Variants in GMDS observed in about 807,000 individuals in gnomAD.
GMDS encodes GDP-mannose 4,6-dehydratase, also known as GDP-mannose 4,6 dehydratase.
In GMDS, 20 loss-of-function variants were observed where a neutral mutation model predicts 49.9. The observed-to-expected ratio is 0.40, with a 90% CI of 0.28 to 0.58. GMDS has a LOEUF of 0.58. Among genes scored for constraint, GMDS ranks in the 20% least tolerant of loss-of-function variants. The probability of loss-of-function intolerance (pLI) is 0.42; values close to 1 mark genes in which losing one functional copy is unlikely to be tolerated. For missense variants in GMDS, 362 were observed against 481.4 expected (o/e 0.75, Z 2.32); for synonymous variants, 177 against 178.6 (o/e 0.99, Z 0.07).
intron 4 of GMDS, among the ~76,000 whole-genome samples, chr6:1,999,324 A>C (rs78914326): frequency 6.4e-5 from 6 of 93,730 alleles, no homozygotes; most frequent in African/African-American, 2.1e-4. Context: ...CTGTCTCAAA[A>C]AAAAAAAAAA....
At chr6:2,214,421 A>T (rs1780221897) in intron 1 of GMDS, among the ~76,000 whole-genome samples, 2 of 152,190 alleles carry the variant, frequency 1.3e-5, no homozygotes, top group Non-Finnish European at 2.9e-5. Context: ...ACATGTACAG[A>T]CCTTTATTGT....
At chr6:1,674,363 CA>C (rs1409434877) in intron 9 of GMDS, among the ~76,000 whole-genome samples, 2 of 152,032 alleles carry the variant, frequency 1.3e-5, no homozygotes, top group African/African-American at 4.8e-5. Flanking sequence ...TCAGGTTGTT[CA>C]TTTTCTTGTG....
intron 5 of GMDS, among the ~76,000 whole-genome samples, chr6:1,960,545 A>G (rs932855924): frequency 5.3e-5 from 8 of 152,218 alleles, no homozygotes; most frequent in Non-Finnish European, 1.0e-4. Flanking sequence ...GGGTTGGTGA[A>G]GTGAGGTGGT....
chr6:2,059,603 G>C (rs1315922380), intron 4 of GMDS, among the ~76,000 whole-genome samples: 1 of 144,154 alleles, frequency 6.9e-6, no homozygotes, highest in African/African-American at 2.6e-5. Flanking sequence ...AGCTACTCGG[G>C]AGGCTGAGGC....
intron 7 of GMDS, among the ~76,000 whole-genome samples, chr6:1,758,072 C>T (rs1003774400): frequency 6.6e-6 from 1 of 152,210 alleles, no homozygotes; most frequent in African/African-American, 2.4e-5. Context: ...GGCTACCACG[C>T]TGGGCTGCGT....
chr6:2,245,555 G>A lies in GMDS; in HGVS notation c.-133C>T. The A allele has an allele frequency of 2.2e-6, 1 of 449,262 alleles. No individual in the cohort carries two copies. The highest frequency in any genetic ancestry group is 4.6e-5 in the Admixed American group (1 of 21,694). The allele number at this position is 449,262 out of a possible 1,614,324, so 27.8% of individuals were successfully genotyped here. ...CGGGCAGGGAGGGAGAGCGCACCGC[G>A]CGACCGGCCGCCACAGTCTGACAGG... On this transcript the variant is annotated 5_prime_UTR_variant, in exon 1 of 11. Transcript: ENST00000380815.
intron 4 of GMDS, among the ~76,000 whole-genome samples, chr6:1,970,396 C>T (rs1229133228): frequency 1.3e-5 from 2 of 152,200 alleles, no homozygotes; most frequent in Non-Finnish European, 2.9e-5. Flanking sequence ...GCAGCTGGGG[C>T]CAGATGCAGA....
At chr6:1,709,903 G>C (rs2113388838) in intron 9 of GMDS, among the ~76,000 whole-genome samples, 1 of 152,294 alleles carries the variant, frequency 6.6e-6, no homozygotes, top group African/African-American at 2.4e-5. Context: ...GACTGAGGCA[G>C]GGTATCTATG....
At chr6:1,627,870 C>T (rs1762888929) in intron 9 of GMDS, among the ~76,000 whole-genome samples, 1 of 152,206 alleles carries the variant, frequency 6.6e-6, no homozygotes, top group African/African-American at 2.4e-5. Flanking sequence ...GGTGTCTTCA[C>T]TGTTTTCATT....
intron 6 of GMDS, among the ~76,000 whole-genome samples, chr6:1,943,279 A>G (rs1276651361): frequency 1.3e-5 from 2 of 152,180 alleles, no homozygotes; most frequent in African/African-American, 4.8e-5. Flanking sequence ...TCTCAGTGGA[A>G]GGGTTTCCTG....
intron 7 of GMDS, among the ~76,000 whole-genome samples, chr6:1,800,577 C>G (rs896107724): frequency 1.3e-5 from 2 of 151,724 alleles, no homozygotes; most frequent in Non-Finnish European, 2.9e-5. Flanking sequence ...GGTGGGACTA[C>G]AGGAATGAGC....
At chr6:1,662,546 C>T (rs752319236) in intron 9 of GMDS, among the ~76,000 whole-genome samples, 1 of 152,122 alleles carries the variant, frequency 6.6e-6, no homozygotes, top group Non-Finnish European at 1.5e-5. Context: ...AGGACAGTCT[C>T]AGAGAGGTGG....
chr6:2,185,761 A>G (rs1778750308), intron 1 of GMDS, among the ~76,000 whole-genome samples: 3 of 152,150 alleles, frequency 2.0e-5, no homozygotes, highest in Admixed American at 1.3e-4. Context: ...AATTTCCTGA[A>G]GCCTCATCAG....
chr6:1,667,473 C>G (rs1186944867), intron 9 of GMDS, among the ~76,000 whole-genome samples: 1 of 152,120 alleles, frequency 6.6e-6, no homozygotes, highest in Non-Finnish European at 1.5e-5. Flanking sequence ...TCCCAGAGCC[C>G]CTCGTGAAGT....
rs1384156943 is a variant in GMDS, at chr6:2,191,196, G to A, written c.102+54125C>T. 2.6e-5 allele frequency among the ~76,000 whole-genome samples: 4 copies of A among 152,106 alleles called. No individual in the cohort carries two copies. The highest frequency in any genetic ancestry group is 4.4e-5 in the Non-Finnish European group (3 of 67,988). ...GTCCCCAGGGGTCCGCCCCGCATGG[G>A]GTGACCACCGGGCCTGACACTCCCG... On this transcript the variant is annotated intron_variant, in intron 1 of 10. Transcript: ENST00000380815. This position sits in a 1 kb window ranked among gnomAD's most constrained non-coding sequence, Gnocchi z 4.6.
chr6:1,942,686 G>A (rs1762876067), intron 6 of GMDS, among the ~76,000 whole-genome samples: 1 of 152,206 alleles, frequency 6.6e-6, no homozygotes, highest in South Asian at 2.1e-4. Context: ...GGAGACAGAA[G>A]ATAAAAAGGG....
chr6:1,914,412 A>T (rs1421917151), intron 7 of GMDS, among the ~76,000 whole-genome samples: 2 of 150,280 alleles, frequency 1.3e-5, no homozygotes, highest in Non-Finnish European at 3.0e-5. Context: ...GCTTAAAGTG[A>T]GCCGAGATCG....
chr6:2,134,420 G>T (rs897595000), intron 1 of GMDS, among the ~76,000 whole-genome samples: 2 of 152,186 alleles, frequency 1.3e-5, no homozygotes, highest in African/African-American at 4.8e-5. Flanking sequence ...GGGTAGTGGA[G>T]TTCTCTAGGT....
chr6:1,737,928 TACAC>T (rs1254421154), intron 8 of GMDS, among the ~76,000 whole-genome samples: 12 of 106,526 alleles, frequency 1.1e-4, no homozygotes, highest in South Asian at 6.4e-4. Context: ...CACAGATACA[TACAC>T]ACCACACACA....
Sources: allele counts gnomAD v4.1 joint callset (sites outside exome capture counted in the v4.1 genomes callset), GRCh38; gene constraint gnomAD v4.1.1; non-coding constraint Gnocchi (gnomAD v3.1); transcripts MANE v1.5; gene names NCBI Gene and HGNC (gene_info 2026-07-23, HGNC 2026-07-21).